STXBP5: variants seen among roughly 807,000 people sequenced by gnomAD.
STXBP5 encodes the protein syntaxin binding protein 5.
A neutral mutation model predicts 152.4 loss-of-function variants in STXBP5; 50 were observed. The observed-to-expected ratio is 0.33, with a 90% CI of 0.26 to 0.42. The LOEUF is 0.42. Among genes scored for constraint, STXBP5 ranks in the 10% least tolerant of loss-of-function variants. The pLI is 1.00. For missense variants in STXBP5, 1,167 were observed against 1,388.6 expected (o/e 0.84, Z 2.54); for synonymous variants, 492 against 494.7 (o/e 0.99, Z 0.07).
chr6:147,353,603 T>A (rs1187688670), intron 22 of STXBP5, among the ~76,000 whole-genome samples: 1 of 152,170 alleles, frequency 6.6e-6, no homozygotes, highest in Non-Finnish European at 1.5e-5. Context: ...TTCTTAGCCC[T>A]CTCATAGTTT....
chr6:147,219,907 T>A (rs1777376154), intron 2 of STXBP5, among the ~76,000 whole-genome samples: 1 of 151,414 alleles, frequency 6.6e-6, no homozygotes, highest in African/African-American at 2.4e-5. Context: ...CTGTTATTAT[T>A]TATTTTCTTC....
chr6:147,340,531 T>C (rs1784043045), intron 21 of STXBP5, among the ~76,000 whole-genome samples: 1 of 152,096 alleles, frequency 6.6e-6, no homozygotes, highest in Non-Finnish European at 1.5e-5. Flanking sequence ...ATTTCATTTA[T>C]TGTGTATTCT....
At chr6:147,265,044 A>G (rs1457171089) in intron 6 of STXBP5, among the ~76,000 whole-genome samples, 1 of 152,102 alleles carries the variant, frequency 6.6e-6, no homozygotes, top group African/African-American at 2.4e-5. Flanking sequence ...TTTACAGTGT[A>G]TATCAACCCT....
At chr6:147,291,918 CT>C in intron 9 of STXBP5, among the ~76,000 whole-genome samples, 1 of 151,054 alleles carries the variant, frequency 6.6e-6, no homozygotes, top group Non-Finnish European at 1.5e-5. Context: ...TGCAGAGGTT[CT>C]GAAATTGTGG....
intron 18 of STXBP5, among the ~76,000 whole-genome samples, chr6:147,332,386 A>C (rs537528489): frequency 1.3e-4 from 20 of 152,366 alleles, no homozygotes; most frequent in Admixed American, 1.2e-3. Flanking sequence ...TGAAATATCA[A>C]TGATGGAGTG....
chr6:147,295,685 C>T (rs557433390), intron 9 of STXBP5, among the ~76,000 whole-genome samples: 333 of 152,302 alleles, frequency 2.2e-3, no homozygotes, highest in African/African-American at 7.4e-3. Context: ...AGGCCCCCAA[C>T]AGTCCCCATT....
At position 147,260,670 on chromosome 6, in the gene STXBP5, C is replaced by A; in HGVS notation, c.487C>A (p.Arg163=). 2 of 1,613,600 alleles carry A rather than the reference C, an allele frequency of 1.2e-6. No individual in the cohort carries two copies. The highest frequency in any genetic ancestry group is 8.5e-7 in the Non-Finnish European group (1 of 1,179,720). The change falls in exon 5 of 28, where the codon CGA becomes AGA. Residue 163 remains arginine (R), a synonymous_variant. Coordinates refer to ENST00000321680, the MANE Select transcript of STXBP5 (RefSeq NM_001127715.4). ...TAAGTGGCTCTATGTGGGCACTGAA[C>A]GAGGTAATATACATATTGTCAATGT... ...QSKWLYVGTE[R]GNIHIVNVES...
At chr6:147,372,406 C>CTT (rs1583009383) in intron 25 of STXBP5, among the ~76,000 whole-genome samples, 1,268 of 39,100 alleles carry the variant, frequency 0.032, 584 homozygotes, top group East Asian at 0.046. Flanking sequence ...CCGTCCTTTT[C>CTT]CTTTTTTTTT....
rs1776444455 is a variant in STXBP5, at chr6:147,204,673, G to C, written c.141G>C (p.Gln47His). ...IQETLQSEHF[Q>H]LCKTVRHGFP... ...AAACGCTCCAGTCCGAGCACTTTCA[G>C]CTCTGCAAGGTGAACGGAGCGCGCA... Residue 47 changes from glutamine (Q) to histidine (H), a missense_variant, in exon 1 of 28, where the codon CAG becomes CAC. Gln to His is a conservative substitution (Grantham distance 24). This residue lies in a region of STXBP5 where 310 missense variants were observed against 346.1 expected (regional missense o/e 0.90). Transcript: ENST00000321680. The surrounding 1 kb of genome is among the most constrained non-coding windows in gnomAD (Gnocchi z 4.3). 3 of 1,595,940 alleles carry C rather than the reference G, an allele frequency of 1.9e-6. No individual in the cohort carries two copies. The highest frequency in any genetic ancestry group is 2.6e-6 in the Non-Finnish European group (3 of 1,170,726).
chr6:147,379,589 A>C (rs544178268), intron 26 of STXBP5, among the ~76,000 whole-genome samples: 1 of 152,274 alleles, frequency 6.6e-6, no homozygotes, highest in Middle Eastern at 3.4e-3. Flanking sequence ...TTTTATATGC[A>C]TATTCAAAGA....
chr6:147,314,574 T>A, intron 13 of STXBP5, 22 bp from the exon 14 acceptor site: 1 of 1,606,536 alleles, frequency 6.2e-7, no homozygotes, highest in Non-Finnish European at 8.5e-7. Context: ...ATTCATCACA[T>A]TCTTAACATT....
chr6:147,322,365 AT>A (rs1489751901), intron 16 of STXBP5, among the ~76,000 whole-genome samples: 1 of 152,206 alleles, frequency 6.6e-6, no homozygotes, highest in African/African-American at 2.4e-5. Context: ...TTCTGAATGC[AT>A]TGCCTTGCAA....
At chr6:147,242,238 A>G (rs1341609142) in intron 4 of STXBP5, among the ~76,000 whole-genome samples, 24 of 152,042 alleles carry the variant, frequency 1.6e-4, no homozygotes, top group East Asian at 1.9e-4. Flanking sequence ...AGCTTATGGA[A>G]TAAGGATATA....
chr6:147,329,296 A>G (rs978119082), intron 18 of STXBP5, among the ~76,000 whole-genome samples: 18 of 149,044 alleles, frequency 1.2e-4, no homozygotes, highest in Non-Finnish European at 2.1e-4. Flanking sequence ...AGAATTAGCT[A>G]TTTAGGCACA....
chr6:147,263,266 C>T (rs2115349899), intron 6 of STXBP5, among the ~76,000 whole-genome samples: 1 of 151,552 alleles, frequency 6.6e-6, no homozygotes, highest in African/African-American at 2.4e-5. Flanking sequence ...GAGTTCAAAA[C>T]TTCCTTTCCA....
chr6:147,372,722 C>T (rs1439894720), intron 25 of STXBP5, among the ~76,000 whole-genome samples: 2 of 151,876 alleles, frequency 1.3e-5, no homozygotes, highest in South Asian at 2.1e-4. Context: ...TGTGAGCCAC[C>T]GTGCCCAGTC....
At chr6:147,235,434 C>A in intron 3 of STXBP5, 103 bp downstream of exon 3, 1 of 877,892 alleles carries the variant, frequency 1.1e-6, no homozygotes, top group Non-Finnish European at 1.8e-6. Flanking sequence ...CATATTTGAA[C>A]AAAAATTAAT....
chr6:147,259,134 C>T (rs1259971034), intron 4 of STXBP5, among the ~76,000 whole-genome samples: 3 of 152,164 alleles, frequency 2.0e-5, no homozygotes, highest in African/African-American at 7.2e-5. Context: ...ATATATGAGT[C>T]ATTCTAGAGA....
At position 147,359,141 on chromosome 6, in the gene STXBP5, A is replaced by G; in HGVS notation, c.2363A>G (p.Lys788Arg). ...SRSSSVTSID[K>R]ESREAISALH... ...AGTTCAAGTGTAACAAGCATTGACA[A>G]AGAATCCCGAGAAGCGATCTCCGCT... Residue 788 changes from lysine to arginine, a missense_variant, in exon 23 of 28, where the codon AAA becomes AGA. By Grantham distance (26) the Lys-to-Arg change is conservative (BLOSUM62 2). This residue lies in a region of STXBP5 where 833 missense variants were observed against 986.3 expected (regional missense o/e 0.84). Coordinates refer to ENST00000321680, the MANE Select transcript of STXBP5 (RefSeq NM_001127715.4). The G allele has an allele frequency of 5.0e-6, 8 of 1,614,030 alleles. No homozygotes were observed. The highest frequency in any genetic ancestry group is 6.8e-6 in the Non-Finnish European group (8 of 1,179,930).
Sources: gnomAD v4.1 joint callset for allele counts (sites outside exome capture counted in the v4.1 genomes callset) on GRCh38, gnomAD v4.1.1 for gene constraint, gnomAD v4.1.1 regional missense constraint, Gnocchi (gnomAD v3.1) non-coding constraint, MANE v1.5 for transcripts, NCBI Gene and HGNC (gene_info 2026-07-23, HGNC 2026-07-21) for gene names.